The following PLEKHH2 variants were observed in gnomAD, a reference collection of about 807,000 sequenced individuals.
The protein encoded by PLEKHH2 is pleckstrin homology, MyTH4 and FERM domain containing H2, also known as pleckstrin homology domain-containing family H member 2.
Under a neutral mutation model 187.9 loss-of-function variants are expected in PLEKHH2, and 129 were observed. That is an observed-to-expected ratio of 0.69 (90% CI 0.59 to 0.79). The LOEUF (loss-of-function observed/expected upper bound fraction) is 0.79. Among genes scored for constraint, PLEKHH2 ranks in the 30% least tolerant of loss-of-function variants. The probability of loss-of-function intolerance (pLI) is 0.00; values close to 1 mark genes in which losing one functional copy is unlikely to be tolerated. For missense variants in PLEKHH2, 2,076 were observed against 1,751.2 expected (o/e 1.19, Z -3.31); for synonymous variants, 686 against 605.6 (o/e 1.13, Z -1.95).
intron 25 of PLEKHH2, among the ~76,000 whole-genome samples, chr2:43,755,271 A>G (rs914592206): frequency 6.6e-5 from 10 of 151,994 alleles, no homozygotes; most frequent in African/African-American, 2.4e-4. Flanking sequence ...TCCCCCAAAC[A>G]AGCTTCACAC....
chr2:43,754,555 C>T (rs1005370989), intron 25 of PLEKHH2, among the ~76,000 whole-genome samples: 6 of 152,128 alleles, frequency 3.9e-5, no homozygotes, highest in Admixed American at 6.5e-5. Context: ...GTGGTCTCAG[C>T]GGGGTGGCAG....
chr2:43,639,384 A>G (rs959421984), intron 1 of PLEKHH2, among the ~76,000 whole-genome samples: 18 of 152,190 alleles, frequency 1.2e-4, no homozygotes, highest in Admixed American at 8.5e-4. Context: ...TATTTTCATC[A>G]CCCCAAAAAG....
Position 43,637,302 on chromosome 2 carries a change from G to C in PLEKHH2, c.-81G>C, listed in dbSNP as rs1264204764. 1.3e-5 allele frequency: 2 copies of C among 152,478 alleles called. No homozygotes were observed. The highest frequency in any genetic ancestry group is 4.8e-5 in the African/African-American group (2 of 41,468). The allele number at this position is 152,478 out of a possible 1,614,324, so 9.4% of individuals were successfully genotyped here. ...TCGGCTTGAGGCGGGCGCGGGCTGA[G>C]AGTCCGGGGATCCCGGGGGCCAGTC... On this transcript the variant is annotated 5_prime_UTR_variant, in exon 1 of 30. Coordinates refer to ENST00000282406, the MANE Select transcript of PLEKHH2 (RefSeq NM_172069.4).
intron 19 of PLEKHH2, among the ~76,000 whole-genome samples, chr2:43,737,347 T>C (rs541623443): frequency 8.9e-4 from 135 of 152,332 alleles, no homozygotes; most frequent in South Asian, 1.9e-3. Context: ...AAAGTAATCA[T>C]AGAAACATAT....
chr2:43,692,308 A>G (rs1189656642), intron 3 of PLEKHH2: 1 of 394,098 alleles, frequency 2.5e-6, no homozygotes, highest in East Asian at 4.7e-5. Flanking sequence ...AGAATTTCTT[A>G]TGTTTGTATG....
chr2:43,702,416 T>TGGAA (rs1263664310), intron 8 of PLEKHH2, among the ~76,000 whole-genome samples: 1 of 152,118 alleles, frequency 6.6e-6, no homozygotes, highest in East Asian at 1.9e-4. Context: ...TCTAATTATG[T>TGGAA]TATACTTTAG....
In PLEKHH2 at chr2:43,678,581, G is replaced by A. The variant is rs534797965; in HGVS notation, c.124-282G>A. 2.7e-3 allele frequency among the ~76,000 whole-genome samples: 411 copies of A among 152,248 alleles called. 2 individuals carry two copies. Among genetic ancestry groups the A allele is most frequent in the African/African-American group, 9.3e-3 (387 of 41,576 alleles). ...GAAAACCAGTCAGGCGTGGCGGCGCGCGCCTGCAATCGCAGGCACTCGGCA... is the reference window on the plus strand; with the variant it reads ...GAAAACCAGTCAGGCGTGGCGGCGCACGCCTGCAATCGCAGGCACTCGGCA... On this transcript the variant is annotated intron_variant, in intron 2 of 29. Coordinates refer to ENST00000282406, the MANE Select transcript of PLEKHH2 (RefSeq NM_172069.4).
At chr2:43,746,557 C>G (rs1366996403) in intron 24 of PLEKHH2, among the ~76,000 whole-genome samples, 1 of 151,840 alleles carries the variant, frequency 6.6e-6, no homozygotes, top group Non-Finnish European at 1.5e-5. Flanking sequence ...CACACGCACA[C>G]AATCAGAAAA....
In PLEKHH2 at chr2:43,700,640, A is replaced by T. The variant is rs753324237; in HGVS notation, c.1650+32A>T. ...ATATCACCGCATGTAACACATACGC[A>T]GTAGTTTTTTTCTCAACACTTTTTT... is the stretch of plus-strand genomic sequence containing the variant. On this transcript the variant is annotated intron_variant, in intron 8 of 29. Transcript: ENST00000282406. The T allele has an allele frequency of 1.1e-5, 17 of 1,559,906 alleles. No individual in the cohort carries two copies. The Admixed American group carries it at 3.2e-4, about 30-fold the overall frequency.
At position 43,709,944 on chromosome 2, in the gene PLEKHH2, T is replaced by A. The variant is rs770822381; in HGVS notation, c.1967-46T>A. ...AGCACTCAGAGCTGGTGTTTGGCCCTCCCCAGTATTAAATACTGACTTGAT... is the reference window on the plus strand; with the variant it reads ...AGCACTCAGAGCTGGTGTTTGGCCCACCCCAGTATTAAATACTGACTTGAT... On this transcript the variant is annotated intron_variant, in intron 11 of 29. Transcript: ENST00000282406. 5 of 1,539,138 alleles carry A rather than the reference T, an allele frequency of 3.2e-6. No individual in the cohort carries two copies. The South Asian group carries it at 4.9e-5, about 15-fold the overall frequency.
At chr2:43,753,035 G>A (rs1672070432) in intron 24 of PLEKHH2, among the ~76,000 whole-genome samples, 1 of 152,114 alleles carries the variant, frequency 6.6e-6, no homozygotes, top group African/African-American at 2.4e-5. Context: ...GTTTTGAGTT[G>A]AAACCTTCAC....
intron 2 of PLEKHH2, among the ~76,000 whole-genome samples, chr2:43,645,607 G>T (rs1368088): frequency 0.59 from 89,771 of 152,006 alleles, 27,053 homozygotes; most frequent in Middle Eastern, 0.66. Context: ...TAGCATGAAA[G>T]AATGTAAAAT....
At chr2:43,692,470 C>T in intron 3 of PLEKHH2, 44 bp from the exon 4 acceptor site, 1 of 1,473,126 alleles carries the variant, frequency 6.8e-7, no homozygotes, top group African/African-American at 1.4e-5. Flanking sequence ...ACTGTGATAA[C>T]CTGAGTACAC....
At chr2:43,711,660 G>A in intron 14 of PLEKHH2, 1 of 788,116 alleles carries the variant, frequency 1.3e-6, no homozygotes, top group Non-Finnish European at 1.5e-6. Flanking sequence ...AGGAGGCTGA[G>A]GCAGGCGGAT....
At chr2:43,730,194 C>T (rs1459528862) in intron 18 of PLEKHH2, among the ~76,000 whole-genome samples, 1 of 152,144 alleles carries the variant, frequency 6.6e-6, no homozygotes, top group African/African-American at 2.4e-5. Context: ...GGCCTGTGGC[C>T]CCAGATGGCT....
intron 27 of PLEKHH2, among the ~76,000 whole-genome samples, chr2:43,761,850 G>A (rs1267912192): frequency 6.6e-6 from 1 of 152,042 alleles, no homozygotes; most frequent in Non-Finnish European, 1.5e-5. Flanking sequence ...TTCAGGAAAG[G>A]TGTGCAATTA....
At chr2:43,711,215 C>A in intron 14 of PLEKHH2, 1 of 985,472 alleles carries the variant, frequency 1.0e-6, no homozygotes, top group Non-Finnish European at 1.2e-6. Flanking sequence ...CCATTATTTT[C>A]TTATATTGCT....
At chr2:43,675,691 A>C (rs1294348491) in intron 2 of PLEKHH2, 2 of 1,613,818 alleles carry the variant, frequency 1.2e-6, no homozygotes, top group Non-Finnish European at 1.7e-6. Flanking sequence ...TAACTTCCAA[A>C]TCACACTTTG....
chr2:43,733,771 G>C (rs551340847), intron 19 of PLEKHH2, among the ~76,000 whole-genome samples: 1 of 152,102 alleles, frequency 6.6e-6, no homozygotes, highest in Non-Finnish European at 1.5e-5. Flanking sequence ...TATTGACACT[G>C]GGTGATGGGT....
Sources: allele counts gnomAD v4.1 joint callset (sites outside exome capture counted in the v4.1 genomes callset), GRCh38; gene constraint gnomAD v4.1.1; transcripts MANE v1.5; gene names NCBI Gene and HGNC (gene_info 2026-07-23, HGNC 2026-07-21).